Variants in KRT13 observed in about 807,000 individuals in gnomAD.
KRT13 encodes keratin, type I cytoskeletal 13.
In KRT13, 27 loss-of-function variants were observed where a neutral mutation model predicts 40.6. That is an observed-to-expected ratio of 0.67 (90% CI 0.49 to 0.92). KRT13 has a LOEUF of 0.92. KRT13 is among the 40% of genes least tolerant of loss of function. The pLI is 0.00. For synonymous variants in KRT13, 266 were observed against 240.3 expected (o/e 1.11, Z -0.99); for missense variants, 605 against 611.5 (o/e 0.99, Z 0.11).
In KRT13 at chr17:41,502,669, A is replaced by G; in HGVS notation, c.1023+18T>C. 1.2e-6 allele frequency: 2 copies of G among 1,613,646 alleles called. No homozygotes were observed. On this transcript the variant is annotated intron_variant, in intron 5 of 7. Coordinates refer to ENST00000246635, the MANE Select transcript of KRT13 (RefSeq NM_153490.3). ...AACCTAGAGGTGGTCGCCACCGGGC[A>G]GGAGGCTGCAGGCATACCATGCTCA...
chr17:41,501,602 C>G, intron 7 of KRT13, 117 bp downstream of exon 7: 1 of 1,512,892 alleles, frequency 6.6e-7, no homozygotes, highest in Admixed American at 2.0e-5. Flanking sequence ...TCTCCCCCTC[C>G]CTACACTGGA....
chr17:41,502,830 A>C lies in KRT13; in HGVS notation c.898-18T>G. ...TCTGCACTCTGAAATGCAAGCAGGA[A>C]GAAGGTGGTGGGGAAGCTCAGCTCG... On this transcript the variant is annotated intron_variant, in intron 4 of 7. Transcript: ENST00000246635. 1 of 1,614,152 alleles carries C rather than the reference A, an allele frequency of 6.2e-7. No individual in the cohort carries two copies. Among genetic ancestry groups the C allele is most frequent in the Non-Finnish European group, 8.5e-7 (1 of 1,180,024 alleles).
intron 7 of KRT13, 126 bp from the exon 8 acceptor site, chr17:41,501,488 G>T: frequency 1.9e-6 from 2 of 1,068,642 alleles, no homozygotes; most frequent in Non-Finnish European, 2.8e-6. Context: ...ACTCTTTATT[G>T]TCCCCAAAGA....
rs1199084707 is a variant in KRT13, at chr17:41,505,452, T to G, written c.99A>C (p.Ser33=). Residue 33 remains serine (S), a synonymous_variant, in exon 1 of 8, where the codon TCA becomes TCC. Transcript: ENST00000246635. The part of the protein sequence containing the change: ...LGGGRGVSTC[S]TRFVSGGSAG... The stretch of plus-strand genomic sequence containing the variant: ...CTGATCCCCCGGACACAAACCGAGT[T>G]GAACAGGTAGAGACACCACGGCCTC... 2 of 1,613,728 alleles carry G rather than the reference T, an allele frequency of 1.2e-6. No homozygotes were observed. Among genetic ancestry groups the G allele is most frequent in the South Asian group, 1.1e-5 (1 of 91,064 alleles).
chr17:41,501,306 T>A lies in KRT13; in HGVS notation c.1327A>T (p.Thr443Ser). 3.8e-6 allele frequency: 6 copies of A among 1,576,870 alleles called. No homozygotes were observed. Among genetic ancestry groups the A allele is most frequent in the Non-Finnish European group, 5.2e-6 (6 of 1,161,332 alleles). ...VTTTSSASVT[T>S]TSNASGRRTS... ...CGGCGACCAGAGGCATTAGAGGTGG[T>A]GGTAACAGAGGCACTAGAAGTCGTG... The change falls in exon 8 of 8, where the codon ACC becomes TCC. Residue 443 changes from threonine (T) to serine (S), a missense_variant. Thr to Ser is a moderately conservative substitution (Grantham distance 58). Transcript: ENST00000246635.
In KRT13 at chr17:41,503,097, T is replaced by C; in HGVS notation, c.737A>G (p.Glu246Gly). ...CACCTGGTTGCTAAATTCCTTCATCTCCTGTGGGGATGGGAAAGGAAGATG... is the reference window on the plus strand; with the variant it reads ...CACCTGGTTGCTAAATTCCTTCATCCCCTGTGGGGATGGGAAAGGAAGATG... ...LAYMKKNHEE[E>G]MKEFSNQVVG... Residue 246 changes from glutamate to glycine, a missense_variant and splice_region_variant, in exon 4 of 8, where the codon GAG becomes GGG. By Grantham distance (98) the Glu-to-Gly change is moderately conservative (BLOSUM62 -2). Coordinates refer to ENST00000246635, the MANE Select transcript of KRT13 (RefSeq NM_153490.3). The C allele has an allele frequency of 6.2e-7, 1 of 1,614,108 alleles. No homozygotes were observed. The highest frequency in any genetic ancestry group is 8.5e-7 in the Non-Finnish European group (1 of 1,179,968).
chr17:41,505,328 C>G lies in KRT13; in HGVS notation c.223G>C (p.Gly75Arg), dbSNP rs768722370. Residue 75 changes from glycine to arginine, a missense_variant, in exon 1 of 8, where the codon GGT becomes CGT. Coordinates refer to ENST00000246635, the MANE Select transcript of KRT13 (RefSeq NM_153490.3). The part of the protein sequence containing the change: ...YGGGLGGGYG[G>R]GLGGGFGGGF... ...CCACCAAAGCCACCTCCAAGGCCAC[C>G]TCCATAGCCACCTCCAAGGCCACCT... The G allele has an allele frequency of 5.0e-6, 8 of 1,613,520 alleles. No homozygotes were observed. Among genetic ancestry groups the G allele is most frequent in the Non-Finnish European group, 6.8e-6 (8 of 1,179,732 alleles).
intron 7 of KRT13, 96 bp downstream of exon 7, chr17:41,501,623 C>T (rs1196990515): frequency 3.5e-5 from 54 of 1,544,296 alleles, no homozygotes; most frequent in Non-Finnish European, 4.6e-5. Flanking sequence ...GAGCCCAGCA[C>T]TGGCTCCCTC....
Position 41,503,376 on chromosome 17 carries a change from C to T in KRT13, c.646G>A (p.Asp216Asn), listed in dbSNP as rs1446489246. 1 of 1,614,264 alleles carries T rather than the reference C, an allele frequency of 6.2e-7. No individual in the cohort carries two copies. Among genetic ancestry groups the T allele is most frequent in the Admixed American group, 1.7e-5 (1 of 60,036 alleles). The change falls in exon 3 of 8, where the codon GAT becomes AAT. Residue 216 changes from aspartate (D) to asparagine (N), a missense_variant. Asp to Asn is a conservative substitution (Grantham distance 23). Coordinates refer to ENST00000246635, the MANE Select transcript of KRT13 (RefSeq NM_153490.3). ...ADINGLRRVL[D>N]ELTLSKTDLE... ...TCAGTCTTAGACAGAGTGAGCTCAT[C>T]CAGCACCCGGCGCAGGCCGTTGATG...
chr17:41,504,132 G>A, intron 1 of KRT13: 1 of 268,192 alleles, frequency 3.7e-6, no homozygotes, highest in South Asian at 4.1e-5. Context: ...TCTGTAAAGT[G>A]AGGAGTGGGG....
intron 3 of KRT13, 40 bp downstream of exon 3, chr17:41,503,247 G>A (rs1904931900): frequency 1.2e-6 from 2 of 1,612,914 alleles, no homozygotes; most frequent in Non-Finnish European, 8.5e-7. Flanking sequence ...CTTCTCACTG[G>A]AGGTTGTTGA....
intron 1 of KRT13, 37 bp from the exon 2 acceptor site, chr17:41,503,762 G>C (rs1597764166): frequency 6.4e-7 from 1 of 1,550,902 alleles, no homozygotes. Context: ...CTAGGGCATG[G>C]GTGTCCAGTC....
chr17:41,502,204 A>T, intron 6 of KRT13, 170 bp downstream of exon 6: 1 of 1,517,730 alleles, frequency 6.6e-7, no homozygotes, highest in Non-Finnish European at 8.8e-7. Context: ...CCCAAATTAG[A>T]AAGTTTAAAG....
In KRT13 at chr17:41,501,325, A is replaced by C. The variant is rs757460197; in HGVS notation, c.1308T>G (p.Thr436=). Residue 436 remains threonine (T), a synonymous_variant, in exon 8 of 8, where the codon ACT becomes ACG. Transcript: ENST00000246635. ...AGGTGGTGGTAACAGAGGCACTAGA[A>C]GTCGTGGTAACAGAGGTGCTACGGG... ...VSPRSTSVTT[T]SSASVTTTSN... 1.9e-6 allele frequency: 3 copies of C among 1,574,540 alleles called. No individual in the cohort carries two copies. In the South Asian group the frequency reaches 3.5e-5, roughly 18 times the overall value.
In KRT13 at chr17:41,505,570, G is replaced by A; in HGVS notation, c.-20C>T. ...GCTCATGGTGAGAGCAGGATTGAGAGCAGGTGCAGATAGAAGCTTGCTTGG... is the reference window on the plus strand; with the variant it reads ...GCTCATGGTGAGAGCAGGATTGAGAACAGGTGCAGATAGAAGCTTGCTTGG... On this transcript the variant is annotated 5_prime_UTR_variant, in exon 1 of 8. Coordinates refer to ENST00000246635, the MANE Select transcript of KRT13 (RefSeq NM_153490.3). 1 of 1,614,056 alleles carries A rather than the reference G, an allele frequency of 6.2e-7. No homozygotes were observed. The highest frequency in any genetic ancestry group is 8.5e-7 in the Non-Finnish European group (1 of 1,180,040).
At position 41,503,018 on chromosome 17, in the gene KRT13, G is replaced by T; in HGVS notation, c.816C>A (p.Arg272=). The T allele has an allele frequency of 6.2e-7, 1 of 1,614,184 alleles. No individual in the cohort carries two copies. The highest frequency in any genetic ancestry group is 1.1e-5 in the South Asian group (1 of 91,082). ...MDATPGIDLT[R]VLAEMREQYE... ...ACTGCTCCCTCATCTCTGCCAGCAC[G>T]CGGGTCAGGTCAATGCCTGGGGTGG... is the stretch of plus-strand genomic sequence containing the variant. Residue 272 remains arginine, a synonymous_variant, in exon 4 of 8, where the codon CGC becomes CGA. Transcript: ENST00000246635.
At chr17:41,503,124 G>A in intron 3 of KRT13, 26 bp from the exon 4 acceptor site, 6 of 1,613,742 alleles carry the variant, frequency 3.7e-6, no homozygotes, top group Non-Finnish European at 5.1e-6. Context: ...AGGAAGATGT[G>A]TGAGGCTACT....
chr17:41,505,025 G>A (rs1178445341), intron 1 of KRT13, 31 bp downstream of exon 1: 2 of 1,613,388 alleles, frequency 1.2e-6, no homozygotes, highest in Non-Finnish European at 8.5e-7. Flanking sequence ...GCCCTTCATG[G>A]AGGACCCCTC....
intron 6 of KRT13, chr17:41,502,163 G>A (rs1170704014): frequency 1.4e-6 from 2 of 1,458,700 alleles, no homozygotes; most frequent in African/African-American, 2.8e-5. Context: ...TTCCCTCCAT[G>A]GTCTCTGTTC....
Sources: allele counts gnomAD v4.1 joint callset, GRCh38; gene constraint gnomAD v4.1.1; transcripts MANE v1.5; gene names NCBI Gene and HGNC (gene_info 2026-07-23, HGNC 2026-07-21).